The following NXPH1 variants were observed in gnomAD, a reference collection of about 807,000 sequenced individuals.
NXPH1 encodes the protein neurexophilin 1.
A neutral mutation model predicts 23.7 loss-of-function variants in NXPH1; 5 were observed. The observed-to-expected ratio is 0.21, with a 90% CI of 0.11 to 0.44. The LOEUF (loss-of-function observed/expected upper bound fraction) is 0.44. NXPH1 is among the 20% of genes least tolerant of loss of function. The probability of loss-of-function intolerance (pLI) is 0.99; values close to 1 mark genes in which losing one functional copy is unlikely to be tolerated. For synonymous variants in NXPH1, 144 were observed against 122.2 expected, an observed-to-expected ratio of 1.18 and a Z score of -1.18; for missense variants, 324 against 321.6, an observed-to-expected ratio of 1.01 and a Z score of -0.06.
chr7:8,750,944 C>T (rs906454553), intron 2 of NXPH1, 64 bp from the exon 3 acceptor site: 2 of 1,473,590 alleles, frequency 1.4e-6, no homozygotes, highest in African/African-American at 1.4e-5. Context: ...AGGCTTAGAT[C>T]TATGCATTGG....
At chr7:8,688,177 A>T (rs1262993968) in intron 2 of NXPH1, among the ~76,000 whole-genome samples, 1 of 152,166 alleles carries the variant, frequency 6.6e-6, no homozygotes, top group East Asian at 1.9e-4. Flanking sequence ...CAAAATGCAC[A>T]GCTGACTGAT....
intron 2 of NXPH1, among the ~76,000 whole-genome samples, chr7:8,719,112 A>G (rs1045442319): frequency 1.3e-5 from 2 of 152,246 alleles, no homozygotes; most frequent in Admixed American, 6.5e-5. Context: ...AGTAGAAAGC[A>G]TTTTGGTCCC....
rs186735751 is a variant in NXPH1 at position 8,492,179 on chromosome 7, C to T, written c.54+56412C>T. 9.6e-4 allele frequency among the ~76,000 whole-genome samples: 146 copies of T among 152,028 alleles called. 1 individual carries two copies. Among genetic ancestry groups the T allele is most frequent in the African/African-American group, 3.2e-3 (134 of 41,494 alleles). On this transcript the variant is annotated intron_variant, in intron 2 of 2. Transcript: ENST00000405863. ...TCCTTACTGCACTTTTATTGTGATC[C>T]GACATTAGAATTTTAGATTTTTTCC...
intron 2 of NXPH1, among the ~76,000 whole-genome samples, chr7:8,735,179 T>C (rs1431686368): frequency 6.6e-6 from 1 of 152,188 alleles, no homozygotes; most frequent in Non-Finnish European, 1.5e-5. Context: ...CAATACTATG[T>C]TGAATAGGAG....
chr7:8,633,318 C>T (rs1820162707), intron 2 of NXPH1, among the ~76,000 whole-genome samples: 1 of 152,144 alleles, frequency 6.6e-6, no homozygotes, highest in Non-Finnish European at 1.5e-5. Context: ...ATCCCAGCTA[C>T]TCAGGAGGCT....
At chr7:8,551,669 C>G in intron 2 of NXPH1, among the ~76,000 whole-genome samples, 1 of 151,378 alleles carries the variant, frequency 6.6e-6, no homozygotes, top group East Asian at 2.0e-4. Flanking sequence ...GAAAAACATT[C>G]TTTTAAAATA....
At chr7:8,542,563 A>G (rs1818136051) in intron 2 of NXPH1, among the ~76,000 whole-genome samples, 1 of 151,798 alleles carries the variant, frequency 6.6e-6, no homozygotes, top group Admixed American at 6.6e-5. Flanking sequence ...AATGTGGATC[A>G]TATTCTAGGC....
chr7:8,699,913 T>C (rs528780862), intron 2 of NXPH1, among the ~76,000 whole-genome samples: 2 of 152,268 alleles, frequency 1.3e-5, no homozygotes, highest in South Asian at 4.1e-4. Context: ...GTGGAAGATA[T>C]AGAAGAAATT....
chr7:8,662,003 T>C (rs541064234), intron 2 of NXPH1, among the ~76,000 whole-genome samples: 48 of 152,140 alleles, frequency 3.2e-4, no homozygotes, highest in Middle Eastern at 3.4e-3. Flanking sequence ...ATAAAGTCTT[T>C]TGTAAATTAA....
At chr7:8,466,318 A>G (rs1816785703) in intron 2 of NXPH1, among the ~76,000 whole-genome samples, 1 of 152,218 alleles carries the variant, frequency 6.6e-6, no homozygotes, top group Non-Finnish European at 1.5e-5. Context: ...TACAAGATGG[A>G]CACTAGCTAA....
intron 2 of NXPH1, among the ~76,000 whole-genome samples, chr7:8,469,453 T>A (rs1169085220): frequency 6.6e-6 from 1 of 152,030 alleles, no homozygotes; most frequent in Admixed American, 6.6e-5. Context: ...TCAACTAGGA[T>A]CTAATGACAG....
At chr7:8,622,045 G>T (rs1169557786) in intron 2 of NXPH1, among the ~76,000 whole-genome samples, 1 of 151,996 alleles carries the variant, frequency 6.6e-6, no homozygotes, top group Non-Finnish European at 1.5e-5. Flanking sequence ...GGTATTTTTG[G>T]CAAGTTTAAT....
intron 2 of NXPH1, among the ~76,000 whole-genome samples, chr7:8,611,235 C>T (rs1442575733): frequency 1.3e-5 from 2 of 152,152 alleles, no homozygotes. Context: ...CAGAAGACTA[C>T]ATGATATAAT....
intron 2 of NXPH1, among the ~76,000 whole-genome samples, chr7:8,554,471 G>A (rs1818324759): frequency 1.3e-5 from 2 of 151,676 alleles, no homozygotes; most frequent in African/African-American, 2.4e-5. Flanking sequence ...GTGTATGTGA[G>A]TGGGTAAATG....
rs576515910 is a variant in NXPH1, at chr7:8,552,703, CAGTT to C, written c.54+116937_54+116940del. On this transcript the variant is annotated intron_variant, in intron 2 of 2. Coordinates refer to ENST00000405863, the MANE Select transcript of NXPH1 (RefSeq NM_152745.3). Reference sequence around the variant, plus strand: ...GGATGCGAAGGCACAGAAAAATACTCAGTTTGTTTTGGTTTTCATGTTTGCATGA... The same window carrying C: ...GGATGCGAAGGCACAGAAAAATACTCTGTTTTGGTTTTCATGTTTGCATGA... 2.7e-3 allele frequency among the ~76,000 whole-genome samples: 414 copies of C among 151,578 alleles called. 3 individuals carry two copies. Among genetic ancestry groups the C allele is most frequent in the African/African-American group, 9.6e-3 (397 of 41,450 alleles).
chr7:8,742,445 T>G (rs1780382724), intron 2 of NXPH1, among the ~76,000 whole-genome samples: 1 of 152,150 alleles, frequency 6.6e-6, no homozygotes, highest in African/African-American at 2.4e-5. Flanking sequence ...ATATTCATAA[T>G]ATAGAATTCT....
At chr7:8,484,068 T>C (rs1289194426) in intron 2 of NXPH1, among the ~76,000 whole-genome samples, 1 of 151,530 alleles carries the variant, frequency 6.6e-6, no homozygotes, top group Non-Finnish European at 1.5e-5. Context: ...TGAATCTTCA[T>C]ATGCTCTGCA....
chr7:8,518,562 C>G (rs958628449), intron 2 of NXPH1, among the ~76,000 whole-genome samples: 1 of 152,088 alleles, frequency 6.6e-6, no homozygotes, highest in African/African-American at 2.4e-5. Context: ...TGCAATCTCA[C>G]TGTAACCTCG....
intron 2 of NXPH1, among the ~76,000 whole-genome samples, chr7:8,649,123 A>G (rs1489055825): frequency 1.3e-5 from 2 of 151,962 alleles, no homozygotes; most frequent in Non-Finnish European, 2.9e-5. Context: ...ACCTTTATAT[A>G]CATCTCTTTA....
Sources: allele counts gnomAD v4.1 joint callset (sites outside exome capture counted in the v4.1 genomes callset), GRCh38; gene constraint gnomAD v4.1.1; transcripts MANE v1.5; gene names NCBI Gene and HGNC (gene_info 2026-07-23, HGNC 2026-07-21).